Variants in DAB2IP observed in about 807,000 individuals in gnomAD.
The protein encoded by DAB2IP is disabled homolog 2-interacting protein.
Under a neutral mutation model 107.2 loss-of-function variants are expected in DAB2IP, and 28 were observed. That is an observed-to-expected ratio of 0.26 (90% CI 0.19 to 0.36). The LOEUF (loss-of-function observed/expected upper bound fraction) is 0.36. Among genes scored for constraint, DAB2IP ranks in the 10% least tolerant of loss-of-function variants. DAB2IP has a pLI of 1.00. For synonymous variants in DAB2IP, 755 were observed against 706.4 expected (o/e 1.07, Z -1.09); for missense variants, 1,400 against 1,644.7 (o/e 0.85, Z 2.57).
intron 1 of DAB2IP, among the ~76,000 whole-genome samples, chr9:121,640,681 A>C (rs185238619): frequency 6.6e-6 from 1 of 152,032 alleles, no homozygotes; most frequent in Non-Finnish European, 1.5e-5. Flanking sequence ...TCCAGCCCCA[A>C]CTCTCCAACT....
At chr9:121,651,532 T>G, upstream of DAB2IP, 1 of 442,636 alleles carries the variant, frequency 2.3e-6, no homozygotes, top group Non-Finnish European at 3.0e-6. This position sits in a 1 kb window ranked among gnomAD's most constrained non-coding sequence, Gnocchi z 5.1. Context: ...CGCACTGACT[T>G]TCCGGGCCGG....
chr9:121,775,423 C>T (rs556096834), intron 13 of DAB2IP, among the ~76,000 whole-genome samples: 85 of 152,338 alleles, frequency 5.6e-4, no homozygotes, highest in African/African-American at 1.9e-3. Context: ...CACAGTGCTC[C>T]CAGAGCCAGA....
chr9:121,770,751 T>C (rs751533340), intron 11 of DAB2IP, 27 bp downstream of exon 11: 1 of 1,610,710 alleles, frequency 6.2e-7, no homozygotes, highest in African/African-American at 1.3e-5. Context: ...ATGTTGGGTG[T>C]GGTGGGTGCG....
chr9:121,775,007 C>G (rs940369193), intron 13 of DAB2IP, among the ~76,000 whole-genome samples: 1 of 152,176 alleles, frequency 6.6e-6, no homozygotes, highest in Non-Finnish European at 1.5e-5. Context: ...AGAATCTACT[C>G]TAAAAATGAA....
chr9:121,673,028 T>A (rs888240065), intron 1 of DAB2IP, among the ~76,000 whole-genome samples: 1 of 152,258 alleles, frequency 6.6e-6, no homozygotes, highest in African/African-American at 2.4e-5. Context: ...GTCAGTTCCC[T>A]GCCTTCTTTT....
intron 1 of DAB2IP, among the ~76,000 whole-genome samples, chr9:121,577,372 G>T (rs1451619679): frequency 1.3e-5 from 2 of 152,226 alleles, no homozygotes; most frequent in Admixed American, 6.5e-5. Context: ...GGCTCGAAGC[G>T]TTCCAGCCGG....
chr9:121,709,785 T>C (rs1471356471), intron 3 of DAB2IP, among the ~76,000 whole-genome samples: 1 of 152,232 alleles, frequency 6.6e-6, no homozygotes, highest in Non-Finnish European at 1.5e-5. Context: ...ACCCTCATTT[T>C]ATCCTTCCCC....
At chr9:121,723,534 G>A (rs1266052268) in intron 3 of DAB2IP, among the ~76,000 whole-genome samples, 6 of 152,212 alleles carry the variant, frequency 3.9e-5, no homozygotes, top group African/African-American at 9.6e-5. Context: ...GCTCAGGGGA[G>A]CCCTGGAGGA....
At chr9:121,639,311 C>T (rs1313811355) in intron 1 of DAB2IP, among the ~76,000 whole-genome samples, 1 of 152,206 alleles carries the variant, frequency 6.6e-6, no homozygotes, top group Non-Finnish European at 1.5e-5. Flanking sequence ...AGGCCAAAGT[C>T]CTCTAATCTC....
In DAB2IP at chr9:121,772,514, G is replaced by C; in HGVS notation, c.2079-93G>C. On this transcript the variant is annotated intron_variant, in intron 11 of 15. Coordinates refer to ENST00000408936, the Ensembl canonical transcript of DAB2IP. The surrounding 1 kb of genome is among the most constrained non-coding windows in gnomAD (Gnocchi z 4.7). ...TGGCTCAGGCTGCCAGGCCCCGGCA[G>C]GTTGGCGGGTGCTGTCGGTTTGGAC... is the stretch of plus-strand genomic sequence containing the variant. 7.1e-7 allele frequency: 1 copy of C among 1,401,054 alleles called. No individual in the cohort carries two copies. The highest frequency in any genetic ancestry group is 1.3e-5 in the South Asian group (1 of 74,872). 86.8% of individuals were successfully genotyped at this position (1,401,054 alleles called of 1,614,324 possible). A position where few individuals can be genotyped will look rare whatever the true frequency, so the allele number is the denominator to read the frequency against.
intron 3 of DAB2IP, among the ~76,000 whole-genome samples, chr9:121,746,221 G>C (rs922791297): frequency 2.0e-5 from 3 of 152,152 alleles, no homozygotes; most frequent in African/African-American, 7.2e-5. Context: ...GCCCCGGGAA[G>C]GCAGTCTCAG....
chr9:121,672,126 T>C (rs949557546), intron 1 of DAB2IP, among the ~76,000 whole-genome samples: 1 of 152,232 alleles, frequency 6.6e-6, no homozygotes, highest in African/African-American at 2.4e-5. Context: ...TTTCTTTTAC[T>C]TAGTTTCTTT....
Position 121,782,717 on chromosome 9 carries a change from G to C in DAB2IP, c.*219G>C. The C allele has an allele frequency of 7.1e-7, 1 of 1,407,466 alleles. No individual in the cohort carries two copies. The highest frequency in any genetic ancestry group is 9.2e-7 in the Non-Finnish European group (1 of 1,082,710). 87.2% of individuals were successfully genotyped at this position (1,407,466 alleles called of 1,614,324 possible). A position where few individuals can be genotyped will look rare whatever the true frequency, so the allele number is the denominator to read the frequency against. On this transcript the variant is annotated 3_prime_UTR_variant, in exon 16 of 16. Transcript: ENST00000408936. This position sits in a 1 kb window ranked among gnomAD's most constrained non-coding sequence, Gnocchi z 6.1. ...TCACCAGCCGCTCCCTGTGGGGTGC[G>C]GGCAGAAGAGACTGCACGCTGGGGA...
At chr9:121,592,140 G>A (rs1830432276) in intron 1 of DAB2IP, among the ~76,000 whole-genome samples, 1 of 152,176 alleles carries the variant, frequency 6.6e-6, no homozygotes, top group Admixed American at 6.5e-5. Context: ...GGCCGAGGTA[G>A]GCAGATCACT....
At chr9:121,755,507 C>T (rs772732711) in intron 3 of DAB2IP, among the ~76,000 whole-genome samples, 3 of 152,170 alleles carry the variant, frequency 2.0e-5, no homozygotes, top group South Asian at 2.1e-4. Flanking sequence ...CAGAGGGAGC[C>T]GGTTGACTGG....
chr9:121,766,805 GC>G, intron 9 of DAB2IP, 75 bp downstream of exon 9: 1 of 1,458,270 alleles, frequency 6.9e-7, no homozygotes, highest in Non-Finnish European at 9.5e-7. Flanking sequence ...GGGTGTTTCT[GC>G]CCCCAAGCTG....
chr9:121,645,538 G>T (rs962493314), intron 1 of DAB2IP, among the ~76,000 whole-genome samples: 1 of 152,220 alleles, frequency 6.6e-6, no homozygotes, highest in African/African-American at 2.4e-5. Context: ...GACCTTGGGT[G>T]AGTCGCTCCC....
rs1554847339 is a variant in DAB2IP at position 121,602,587 on chromosome 9, G to GTTTTGT, written c.40+35363_40+35364insGTTTTT. On this transcript the variant is annotated intron_variant, in intron 1 of 16. Coordinates refer to the DAB2IP transcript ENST00000259371. Reference sequence around the variant, plus strand: ...TTTTAAATTTGTTTTGTTTTGTTTTGTTTTTTGAGATGGAGTCTCCCTCTG... The same window carrying GTTTTGT: ...TTTTAAATTTGTTTTGTTTTGTTTTGTTTTGTTTTTTTGAGATGGAGTCTCCCTCTG... Among the ~76,000 whole-genome samples the GTTTTGT allele has an allele frequency of 7.2e-5, 11 of 152,082 alleles. No homozygotes were observed. In the East Asian group the frequency reaches 2.1e-3, roughly 29 times the overall value.
At chr9:121,643,895 T>C (rs1024342755) in intron 1 of DAB2IP, among the ~76,000 whole-genome samples, 2 of 152,232 alleles carry the variant, frequency 1.3e-5, no homozygotes, top group African/African-American at 4.8e-5. Flanking sequence ...AGGCTAGGCA[T>C]GGTGGCTCAA....
Sources: allele counts gnomAD v4.1 joint callset (sites outside exome capture counted in the v4.1 genomes callset), GRCh38; gene constraint gnomAD v4.1.1; non-coding constraint Gnocchi (gnomAD v3.1); transcripts MANE v1.5; gene names NCBI Gene and HGNC (gene_info 2026-07-23, HGNC 2026-07-21).